The following XKR6 variants were observed in gnomAD, a reference collection of about 807,000 sequenced individuals.
XKR6 encodes XK-related protein 6.
XKR6 carries 22 observed loss-of-function variants against 56.7 expected under a neutral mutation model. The ratio of observed to expected loss-of-function variants is 0.39; its 90% CI spans 0.28 to 0.55. The LOEUF (loss-of-function observed/expected upper bound fraction) is 0.55. Among genes scored for constraint, XKR6 ranks in the 20% least tolerant of loss-of-function variants. The pLI is 0.66. For synonymous variants in XKR6, 524 were observed against 387.8 expected (o/e 1.35, Z -4.13); for missense variants, 852 against 889.0 (o/e 0.96, Z 0.53).
At chr8:10,938,232 T>C (rs986884560) in intron 1 of XKR6, among the ~76,000 whole-genome samples, 16 of 152,168 alleles carry the variant, frequency 1.1e-4, no homozygotes, top group African/African-American at 3.4e-4. Context: ...GCTTCCCAGG[T>C]GAGACAATGC....
chr8:10,972,990 G>C (rs939017279), intron 1 of XKR6, among the ~76,000 whole-genome samples: 2 of 152,182 alleles, frequency 1.3e-5, no homozygotes, highest in Non-Finnish European at 2.9e-5. Flanking sequence ...ACTGTTCATG[G>C]TGTTTGGGAC....
intron 1 of XKR6, among the ~76,000 whole-genome samples, chr8:11,139,819 C>A: frequency 6.6e-6 from 1 of 152,198 alleles, no homozygotes; most frequent in East Asian, 1.9e-4. Flanking sequence ...ACCGAAAGCA[C>A]TGAGGTCAGA....
chr8:11,183,720 G>A (rs1317154340), intron 1 of XKR6, among the ~76,000 whole-genome samples: 1 of 152,138 alleles, frequency 6.6e-6, no homozygotes, highest in Non-Finnish European at 1.5e-5. Context: ...ATTTGATCTT[G>A]AAAAGAGGTC....
intron 1 of XKR6, among the ~76,000 whole-genome samples, chr8:11,024,866 C>T (rs1798826040): frequency 6.6e-6 from 1 of 152,234 alleles, no homozygotes; most frequent in Admixed American, 6.5e-5. Flanking sequence ...CATCCCTACT[C>T]CTCCCAGAGT....
At chr8:10,910,666 C>G (rs1466050034) in intron 2 of XKR6, among the ~76,000 whole-genome samples, 1 of 152,216 alleles carries the variant, frequency 6.6e-6, no homozygotes, top group Non-Finnish European at 1.5e-5. Context: ...AGTACCAGAC[C>G]TCCCCTCAAG....
intron 2 of XKR6, among the ~76,000 whole-genome samples, chr8:10,918,573 C>T (rs79464655): frequency 0.032 from 4,841 of 152,310 alleles, 113 homozygotes; most frequent in Non-Finnish European, 0.049. Flanking sequence ...CAGCCACAGC[C>T]GTCCTTGCTT....
chr8:10,911,055 A>G (rs2129110266), intron 2 of XKR6, among the ~76,000 whole-genome samples: 1 of 152,310 alleles, frequency 6.6e-6, no homozygotes, highest in Non-Finnish European at 1.5e-5. Flanking sequence ...GAAAGGACAC[A>G]GGTTCCGTAC....
At chr8:11,044,690 C>T (rs1326151301) in intron 1 of XKR6, among the ~76,000 whole-genome samples, 1 of 151,592 alleles carries the variant, frequency 6.6e-6, no homozygotes, top group Non-Finnish European at 1.5e-5. Context: ...ATGATCTCAG[C>T]TCACTGCAAC....
chr8:11,125,188 A>C (rs923170291), intron 1 of XKR6, among the ~76,000 whole-genome samples: 1 of 152,100 alleles, frequency 6.6e-6, no homozygotes, highest in Non-Finnish European at 1.5e-5. Context: ...CACAGGTCAC[A>C]TGCCCATGAC....
At chr8:11,016,359 C>T (rs937568538) in intron 1 of XKR6, among the ~76,000 whole-genome samples, 1 of 152,144 alleles carries the variant, frequency 6.6e-6, no homozygotes, top group Admixed American at 6.5e-5. Context: ...TGCTGAGGAC[C>T]CTGGGGGAGT....
chr8:11,158,888 T>C (rs1256776090), intron 1 of XKR6, among the ~76,000 whole-genome samples: 1 of 152,160 alleles, frequency 6.6e-6, no homozygotes, highest in Non-Finnish European at 1.5e-5. Context: ...CCATACTGCA[T>C]ACAAGCCAAG....
At chr8:11,101,483 T>G (rs1238398667) in intron 1 of XKR6, among the ~76,000 whole-genome samples, 1 of 143,088 alleles carries the variant, frequency 7.0e-6, no homozygotes, top group Non-Finnish European at 1.5e-5. Flanking sequence ...TTACAAATTA[T>G]GTCATTTTTT....
intron 1 of XKR6, among the ~76,000 whole-genome samples, chr8:11,116,548 T>G (rs2129181737): frequency 6.6e-6 from 1 of 152,266 alleles, no homozygotes; most frequent in African/African-American, 2.4e-5. Context: ...TTTTTGCATT[T>G]TTAGTAGAGA....
intron 1 of XKR6, among the ~76,000 whole-genome samples, chr8:10,938,066 A>G (rs1801278831): frequency 6.6e-6 from 1 of 152,120 alleles, no homozygotes; most frequent in African/African-American, 2.4e-5. Flanking sequence ...CCGTGGGCGT[A>G]GGACCCTCCG....
At chr8:11,120,685 A>G (rs189933679) in intron 1 of XKR6, among the ~76,000 whole-genome samples, 6,187 of 152,218 alleles carry the variant, frequency 0.041, 120 homozygotes, top group Middle Eastern at 0.051. Flanking sequence ...GGAAAAAACT[A>G]CTTTAAAGCT....
chr8:11,051,646 C>T (rs1375745800), intron 1 of XKR6, among the ~76,000 whole-genome samples: 5 of 152,174 alleles, frequency 3.3e-5, no homozygotes, highest in African/African-American at 1.2e-4. Flanking sequence ...CTGCCGGCTT[C>T]TCCCTTCTCA....
In XKR6 at chr8:11,117,710, A is replaced by G. The variant is rs183682231; in HGVS notation, c.764+82866T>C. The stretch of plus-strand genomic sequence containing the variant: ...ACCCTAGGAGCCAAAAAAGAACACA[A>G]CTGATTAAAAAGTGGCCAAAAAACC... On this transcript the variant is annotated intron_variant, in intron 1 of 2. Transcript: ENST00000416569. Among the ~76,000 whole-genome samples the G allele has an allele frequency of 1.6e-4, 24 of 152,280 alleles. No individual in the cohort carries two copies. The East Asian group carries it at 4.4e-3, about 28-fold the overall frequency.
intron 1 of XKR6, among the ~76,000 whole-genome samples, chr8:11,149,635 T>TA (rs1461805505): frequency 6.6e-6 from 1 of 152,000 alleles, no homozygotes; most frequent in Non-Finnish European, 1.5e-5. Flanking sequence ...GACCCACTGT[T>TA]ACTGTTGCTG....
intron 1 of XKR6, chr8:11,062,851 C>T: frequency 2.2e-6 from 1 of 456,232 alleles, no homozygotes; most frequent in South Asian, 1.5e-5. Context: ...GAGTTCTAGC[C>T]AATGGGAGGT....
Sources: allele counts gnomAD v4.1 joint callset (sites outside exome capture counted in the v4.1 genomes callset), GRCh38; gene constraint gnomAD v4.1.1; transcripts MANE v1.5; gene names NCBI Gene and HGNC (gene_info 2026-07-23, HGNC 2026-07-21).